The following OR8H2 variants were observed in gnomAD, a reference collection of about 807,000 sequenced individuals.
The protein encoded by OR8H2 is olfactory receptor 8H2.
For missense variants in OR8H2, 374 were observed against 371.1 expected (o/e 1.01, Z -0.06); for synonymous variants, 157 against 139.2 (o/e 1.13, Z -0.90).
intron 1 of OR8H2, among the ~76,000 whole-genome samples, chr11:56,104,476 A>G (rs1223828395): frequency 6.6e-6 from 1 of 152,176 alleles, no homozygotes; most frequent in Non-Finnish European, 1.5e-5. Context: ...TGAAGTTAAT[A>G]TATCTTGGTA....
rs572210575 is a variant in OR8H2 at position 56,105,290 on chromosome 11, T to C, written c.248T>C (p.Leu83Ser). ...SYSTVVTPKT[L>S]ANLLTSNYIS... The stretch of plus-strand genomic sequence containing the variant: ...TCAACTGTCGTCACACCTAAAACCT[T>C]AGCGAACTTACTGACTTCCAACTAT... The change falls in exon 2 of 2, where the codon TTA (leucine) becomes TCA (serine). Residue 83 changes from leucine (L) to serine (S), a missense_variant. Transcript: ENST00000313503. 2 of 1,614,208 alleles carry C rather than the reference T, an allele frequency of 1.2e-6. No homozygotes were observed. The highest frequency in any genetic ancestry group is 3.3e-5 in the Admixed American group (2 of 60,010).
Position 56,106,444 on chromosome 11 carries a change from C to G in OR8H2, c.*463C>G, listed in dbSNP as rs749613100. The stretch of plus-strand genomic sequence containing the variant: ...AATAAAACTTCCCAAGAATTAGATT[C>G]TAAATATGCTACATTTTTAGCTGTA... On this transcript the variant is annotated 3_prime_UTR_variant, in exon 2 of 2. Transcript: ENST00000313503. The G allele has an allele frequency of 6.5e-6, 1 of 153,050 alleles. No individual in the cohort carries two copies. The highest frequency in any genetic ancestry group is 1.5e-5 in the Non-Finnish European group (1 of 68,826). 9.5% of individuals were successfully genotyped at this position (153,050 alleles called of 1,614,324 possible). A position where few individuals can be genotyped will look rare whatever the true frequency, so the allele number is the denominator to read the frequency against.
At chr11:56,104,212 ATTAG>A (rs141158677) in intron 1 of OR8H2, among the ~76,000 whole-genome samples, 2,168 of 152,200 alleles carry the variant, frequency 0.014, 15 homozygotes, top group Non-Finnish European at 0.019. Context: ...TTAGATTTTG[ATTAG>A]TTAAGTCAGG....
rs1222833898 is a variant in OR8H2, at chr11:56,106,225, C to A, written c.*244C>A. On this transcript the variant is annotated 3_prime_UTR_variant, in exon 2 of 2. Transcript: ENST00000313503. ...TCAGTCTACATATATGTGTTTGAAG[C>A]AACTGATGTGGAAAATAAGAAAATA... The A allele has an allele frequency of 3.5e-6, 1 of 285,944 alleles. No individual in the cohort carries two copies. The highest frequency in any genetic ancestry group is 6.4e-6 in the Non-Finnish European group (1 of 155,310). 17.7% of individuals were successfully genotyped at this position (285,944 alleles called of 1,614,324 possible). A position where few individuals can be genotyped will look rare whatever the true frequency, so the allele number is the denominator to read the frequency against.
rs770716916 is a variant in OR8H2 at position 56,105,005 on chromosome 11, A to G, written c.-38A>G. 6.5e-7 allele frequency: 1 copy of G among 1,546,702 alleles called. No homozygotes were observed. ...GGGATTACAGGCGCCCCTGCTACGT[A>G]TCAGCTTTGATTTCTCAGCAGTTTA... On this transcript the variant is annotated 5_prime_UTR_variant, in exon 2 of 2. Transcript: ENST00000313503.
In OR8H2 at chr11:56,105,720, G is replaced by A. The variant is rs776086287; in HGVS notation, c.678G>A (p.Leu226=). The change falls in exon 2 of 2, where the codon CTG becomes CTA. Residue 226 remains leucine (L), a synonymous_variant. Coordinates refer to ENST00000313503, the MANE Select transcript of OR8H2 (RefSeq NM_001386064.1). The stretch of plus-strand genomic sequence containing the variant: ...ATGTGTTCATTCTCTTTACCATCCT[G>A]AAAATTAATTCCACTTCAGGAAAGC... The part of the protein sequence containing the change: ...ASYVFILFTI[L]KINSTSGKQK... 6.2e-7 allele frequency: 1 copy of A among 1,614,038 alleles called. No homozygotes were observed. Among genetic ancestry groups the A allele is most frequent in the Non-Finnish European group, 8.5e-7 (1 of 1,179,922 alleles).
chr11:56,104,421 T>C (rs1854019207), intron 1 of OR8H2, among the ~76,000 whole-genome samples: 2 of 152,142 alleles, frequency 1.3e-5, no homozygotes, highest in Non-Finnish European at 2.9e-5. Flanking sequence ...TCAAGTTTTC[T>C]GAAATTATTT....
At chr11:56,104,763 T>G in intron 1 of OR8H2, 109 bp from the exon 2 acceptor site, 1 of 328,728 alleles carries the variant, frequency 3.0e-6, no homozygotes, top group African/African-American at 2.1e-5. Flanking sequence ...TTTAGTCATA[T>G]TCTATAAATT....
At position 56,105,665 on chromosome 11, in the gene OR8H2, T is replaced by C; in HGVS notation, c.623T>C (p.Met208Thr). The C allele has an allele frequency of 6.2e-7, 1 of 1,614,164 alleles. No homozygotes were observed. The highest frequency in any genetic ancestry group is 8.5e-7 in the Non-Finnish European group (1 of 1,179,980). Reference sequence around the variant, plus strand: ...TTCATTATTGTTGGTTCCACCCTGATGGTGTCCCTTTTCACAATATCTGCA... The same window carrying C: ...TTCATTATTGTTGGTTCCACCCTGACGGTGTCCCTTTTCACAATATCTGCA... ...LIFIIVGSTL[M>T]VSLFTISASY... is the part of the protein sequence containing the mutation. Residue 208 changes from methionine (M) to threonine (T), a missense_variant, in exon 2 of 2, where the codon ATG (methionine) becomes ACG (threonine). Coordinates refer to ENST00000313503, the MANE Select transcript of OR8H2 (RefSeq NM_001386064.1).
chr11:56,107,112 C>G lies in OR8H2; in HGVS notation c.*1131C>G, dbSNP rs1481555748. 6.6e-6 allele frequency: 1 copy of G among 151,808 alleles called. No individual in the cohort carries two copies. Among genetic ancestry groups the G allele is most frequent in the Non-Finnish European group, 1.5e-5 (1 of 67,804 alleles). 9.4% of individuals were successfully genotyped at this position (151,808 alleles called of 1,614,324 possible). A position where few individuals can be genotyped will look rare whatever the true frequency, so the allele number is the denominator to read the frequency against. On this transcript the variant is annotated 3_prime_UTR_variant, in exon 2 of 2. Coordinates refer to ENST00000313503, the MANE Select transcript of OR8H2 (RefSeq NM_001386064.1). ...CTCTAATATAAATTTTTTCTTGGTACATGGACAAAATCAAGACTCACTTCA... is the reference window on the plus strand; with the variant it reads ...CTCTAATATAAATTTTTTCTTGGTAGATGGACAAAATCAAGACTCACTTCA...
chr11:56,107,079 A>T lies in OR8H2; in HGVS notation c.*1098A>T, dbSNP rs961726019. The stretch of plus-strand genomic sequence containing the variant: ...ATCCATTTACAAGTTTAATGTTGTC[A>T]TCGACAACTCTAATATAAATTTTTT... On this transcript the variant is annotated 3_prime_UTR_variant, in exon 2 of 2. Coordinates refer to ENST00000313503, the MANE Select transcript of OR8H2 (RefSeq NM_001386064.1). 9 of 151,946 alleles carry T rather than the reference A, an allele frequency of 5.9e-5. No individual in the cohort carries two copies. The highest frequency in any genetic ancestry group is 1.9e-4 in the African/African-American group (8 of 41,436). The allele number at this position is 151,946 out of a possible 1,614,324, so 9.4% of individuals were successfully genotyped here. A position where few individuals can be genotyped will look rare whatever the true frequency, so the allele number is the denominator to read the frequency against.
Position 56,105,401 on chromosome 11 carries a change from A to C in OR8H2, c.359A>C (p.His120Pro). The C allele has an allele frequency of 6.2e-7, 1 of 1,613,986 alleles. No individual in the cohort carries two copies. The highest frequency in any genetic ancestry group is 8.5e-7 in the Non-Finnish European group (1 of 1,179,966). ...AECYLLSSMA[H>P]DRYAAICSPL... ...TGTTACCTTCTCTCCTCAATGGCCC[A>C]TGATCGCTATGCAGCGATCTGCAGT... The change falls in exon 2 of 2, where the codon CAT (histidine) becomes CCT (proline). Residue 120 changes from histidine to proline, a missense_variant. Physicochemically the swap from His to Pro is moderately conservative, Grantham distance 77 (BLOSUM62 -2). Transcript: ENST00000313503.
rs765432272 is a variant in OR8H2, at chr11:56,105,847, G to C, written c.805G>C (p.Gly269Arg). The C allele has an allele frequency of 6.2e-7, 1 of 1,613,056 alleles. No individual in the cohort carries two copies. Among genetic ancestry groups the C allele is most frequent in the Non-Finnish European group, 8.5e-7 (1 of 1,179,260 alleles). The stretch of plus-strand genomic sequence containing the variant: ...AAAACCAAGAAAGTCTTATTCCTTG[G>C]GAAGAGATCAAGTGGCTTCTGTTTT... ...YLKPRKSYSL[G>R]RDQVASVFYT... Residue 269 changes from glycine to arginine, a missense_variant, in exon 2 of 2, where the codon GGA becomes CGA. Gly to Arg is a moderately radical substitution (Grantham distance 125). Transcript: ENST00000313503.
Position 56,105,844 on chromosome 11 carries a change from T to C in OR8H2, c.802T>C (p.Leu268=). ...TYLKPRKSYS[L]GRDQVASVFY... is the part of the protein sequence containing the mutation. ...TTTAAAACCAAGAAAGTCTTATTCC[T>C]TGGGAAGAGATCAAGTGGCTTCTGT... The change falls in exon 2 of 2, where the codon TTG becomes CTG. Residue 268 remains leucine, a synonymous_variant. Transcript: ENST00000313503. 1 of 1,613,400 alleles carries C rather than the reference T, an allele frequency of 6.2e-7. No individual in the cohort carries two copies. Among genetic ancestry groups the C allele is most frequent in the African/African-American group, 1.3e-5 (1 of 75,040 alleles).
At position 56,105,385 on chromosome 11, in the gene OR8H2, C is replaced by G. The variant is rs767202017; in HGVS notation, c.343C>G (p.Leu115Val). The G allele has an allele frequency of 2.5e-6, 4 of 1,614,198 alleles. No individual in the cohort carries two copies. The South Asian group carries it at 4.4e-5, about 18-fold the overall frequency. The change falls in exon 2 of 2, where the codon CTC becomes GTC. Residue 115 changes from leucine (L) to valine (V), a missense_variant. Leu to Val is a conservative substitution (Grantham distance 32, BLOSUM62 1). Transcript: ENST00000313503. The part of the protein sequence containing the change: ...AFLGTAECYL[L>V]SSMAHDRYAA... ...CTTGGGTACTGCTGAATGTTACCTT[C>G]TCTCCTCAATGGCCCATGATCGCTA...
intron 1 of OR8H2, among the ~76,000 whole-genome samples, 157 bp from the exon 2 acceptor site, chr11:56,104,715 T>C (rs1191709498): frequency 6.6e-6 from 1 of 152,248 alleles, no homozygotes; most frequent in East Asian, 1.9e-4. Context: ...CAAATGTTAA[T>C]TTGTACTTAC....
At position 56,106,524 on chromosome 11, in the gene OR8H2, T is replaced by G. The variant is rs1854057815; in HGVS notation, c.*543T>G. The G allele has an allele frequency of 6.6e-6, 1 of 152,480 alleles. No homozygotes were observed. Among genetic ancestry groups the G allele is most frequent in the South Asian group, 2.1e-4 (1 of 4,844 alleles). 9.4% of individuals were successfully genotyped at this position (152,480 alleles called of 1,614,324 possible). On this transcript the variant is annotated 3_prime_UTR_variant, in exon 2 of 2. Transcript: ENST00000313503. ...GCCTCCCTTCCCTAAGTGCACAAGA[T>G]AAATAATAACTCCAAATCTGATCAG...
rs537763079 is a variant in OR8H2 at position 56,104,885 on chromosome 11, C to T, written c.-158C>T. ...TTTTTGAGTCAGAGTCTGGCACAGT[C>T]GCCAGGGCTGGAATGCAATGGTGCG... is the stretch of plus-strand genomic sequence containing the variant. On this transcript the variant is annotated 5_prime_UTR_variant, in exon 2 of 2. Coordinates refer to ENST00000313503, the MANE Select transcript of OR8H2 (RefSeq NM_001386064.1). 16 of 612,204 alleles carry T rather than the reference C, an allele frequency of 2.6e-5. No individual in the cohort carries two copies. The highest frequency in any genetic ancestry group is 3.1e-5 in the Non-Finnish European group (11 of 357,464). 37.9% of individuals were successfully genotyped at this position (612,204 alleles called of 1,614,324 possible).
chr11:56,104,650 C>A (rs933380970), intron 1 of OR8H2, among the ~76,000 whole-genome samples: 1 of 152,098 alleles, frequency 6.6e-6, no homozygotes, highest in African/African-American at 2.4e-5. Context: ...AGAACAATGT[C>A]AGGTTCATTC....
Sources: allele counts gnomAD v4.1 joint callset (sites outside exome capture counted in the v4.1 genomes callset), GRCh38; gene constraint gnomAD v4.1.1; transcripts MANE v1.5; gene names NCBI Gene and HGNC (gene_info 2026-07-23, HGNC 2026-07-21).